The following COL4A2 variants were observed in gnomAD, a reference collection of about 807,000 sequenced individuals.
COL4A2 encodes collagen type IV alpha 2 chain.
In COL4A2, 99 loss-of-function variants were observed where a neutral mutation model predicts 200.2. That is an observed-to-expected ratio of 0.49 (90% CI 0.42 to 0.58). The LOEUF (loss-of-function observed/expected upper bound fraction) is 0.58. Ranked by LOEUF, COL4A2 falls within the 20% of genes least tolerant of loss-of-function variation. COL4A2 has a pLI of 0.00. For missense variants in COL4A2, 1,950 were observed against 2,314.1 expected (o/e 0.84, Z 3.23); for synonymous variants, 897 against 900.6 (o/e 1.00, Z 0.07).
intron 16 of COL4A2, among the ~76,000 whole-genome samples, chr13:110,442,781 A>G (rs1225550361): frequency 2.3e-5 from 2 of 86,542 alleles, no homozygotes; most frequent in Non-Finnish European, 5.7e-5. Context: ...ATCTTTAGTA[A>G]CTGAGCAAAT....
chr13:110,492,582 A>T (rs1424399608), intron 38 of COL4A2, among the ~76,000 whole-genome samples: 2 of 152,220 alleles, frequency 1.3e-5, no homozygotes, highest in Admixed American at 1.3e-4. Flanking sequence ...TGCCATGCTC[A>T]CTGCCCATGT....
intron 32 of COL4A2, 114 bp from the exon 33 acceptor site, chr13:110,484,791 C>T (rs1234162197): frequency 7.1e-7 from 1 of 1,410,826 alleles, no homozygotes; most frequent in Non-Finnish European, 9.4e-7. Context: ...CTCTCCAAGG[C>T]TTCCCTGCTT....
At chr13:110,414,633 G>A (rs899411416) in intron 4 of COL4A2, among the ~76,000 whole-genome samples, 1 of 152,204 alleles carries the variant, frequency 6.6e-6, no homozygotes, top group Non-Finnish European at 1.5e-5. Context: ...TCCCTTCCAA[G>A]TCCAACATCT....
In COL4A2 at chr13:110,416,394, T is replaced by G. The variant is rs75006071; in HGVS notation, c.181-8340T>G. Among the ~76,000 whole-genome samples, 1,430 of 152,364 alleles carry G rather than the reference T, an allele frequency of 9.4e-3. 21 individuals are homozygous for G. Among genetic ancestry groups the G allele is most frequent in the African/African-American group, 0.032 (1,341 of 41,580 alleles). On this transcript the variant is annotated intron_variant, in intron 4 of 47. Coordinates refer to ENST00000360467, the MANE Select transcript of COL4A2 (RefSeq NM_001846.4). ...AAGTCTTCTTAGAGGACAAGCAGGC[T>G]TAGGAAATCACATCAGTCTATTACA...
At chr13:110,379,082 C>T (rs1878358334) in intron 4 of COL4A2, among the ~76,000 whole-genome samples, 1 of 152,230 alleles carries the variant, frequency 6.6e-6, no homozygotes, top group East Asian at 1.9e-4. Context: ...ACCTTCTGCT[C>T]TTAGGTGGCT....
At chr13:110,309,987 T>C (rs533427095) in intron 3 of COL4A2, among the ~76,000 whole-genome samples, 81 of 152,098 alleles carry the variant, frequency 5.3e-4, no homozygotes, top group Non-Finnish European at 6.5e-4. Flanking sequence ...CAAGACTCTG[T>C]CTAAAAACAA....
intron 47 of COL4A2, among the ~76,000 whole-genome samples, chr13:110,511,203 T>C (rs1157284997): frequency 6.7e-6 from 1 of 149,140 alleles, no homozygotes; most frequent in African/African-American, 2.5e-5. Context: ...AGGCTAAACA[T>C]GTTGATGCAA....
At chr13:110,394,532 C>T (rs939940756) in intron 4 of COL4A2, among the ~76,000 whole-genome samples, 7 of 152,238 alleles carry the variant, frequency 4.6e-5, no homozygotes, top group African/African-American at 1.7e-4. Flanking sequence ...CTGCATGACC[C>T]GTACCCCAGT....
intron 40 of COL4A2, among the ~76,000 whole-genome samples, chr13:110,497,173 A>C (rs1226284096): frequency 6.6e-6 from 1 of 151,862 alleles, no homozygotes; most frequent in Non-Finnish European, 1.5e-5. Flanking sequence ...GCGCACCAGC[A>C]GAAGCTCCAC....
intron 4 of COL4A2, among the ~76,000 whole-genome samples, chr13:110,398,534 T>G (rs930179858): frequency 1.3e-5 from 2 of 152,042 alleles, no homozygotes; most frequent in African/African-American, 4.8e-5. Flanking sequence ...TTGTTTTTAG[T>G]TTAGTGGTTT....
chr13:110,429,837 T>C (rs746617802), intron 7 of COL4A2, 48 bp from the exon 8 acceptor site: 3 of 1,575,342 alleles, frequency 1.9e-6, no homozygotes, highest in Admixed American at 3.3e-5. Flanking sequence ...CGAATGTTAA[T>C]GGACTCTTTT....
chr13:110,484,276 T>C (rs1883035174), intron 32 of COL4A2, among the ~76,000 whole-genome samples: 1 of 152,162 alleles, frequency 6.6e-6, no homozygotes, highest in African/African-American at 2.4e-5. Context: ...TAGTACTGAA[T>C]ACACAGTAAA....
At chr13:110,370,898 G>A (rs1430935016) in intron 4 of COL4A2, among the ~76,000 whole-genome samples, 2 of 152,240 alleles carry the variant, frequency 1.3e-5, no homozygotes, top group African/African-American at 4.8e-5. Context: ...GATGAAAAGG[G>A]ATAGCTATGC....
At chr13:110,510,295 A>C (rs549494597) in intron 47 of COL4A2, among the ~76,000 whole-genome samples, 16 of 152,320 alleles carry the variant, frequency 1.1e-4, no homozygotes, top group African/African-American at 3.6e-4. Flanking sequence ...AGAGCCCCGG[A>C]TGCAGACTGC....
intron 13 of COL4A2, among the ~76,000 whole-genome samples, chr13:110,436,752 T>C (rs1424898576): frequency 6.6e-6 from 1 of 152,254 alleles, no homozygotes; most frequent in Non-Finnish European, 1.5e-5. Flanking sequence ...ACTTCTTTGC[T>C]GACATGAAGC....
intron 3 of COL4A2, among the ~76,000 whole-genome samples, chr13:110,343,225 C>T (rs986945591): frequency 6.6e-6 from 1 of 152,136 alleles, no homozygotes; most frequent in African/African-American, 2.4e-5. Flanking sequence ...TGAAAATCCA[C>T]TGTTGAAATA....
At chr13:110,407,207 G>C (rs547939952) in intron 4 of COL4A2, among the ~76,000 whole-genome samples, 1 of 152,202 alleles carries the variant, frequency 6.6e-6, no homozygotes, top group African/African-American at 2.4e-5. Flanking sequence ...TGCGCCCCTC[G>C]GGTGGGAAAG....
chr13:110,348,060 T>C (rs1184117180), intron 3 of COL4A2, among the ~76,000 whole-genome samples: 4 of 152,236 alleles, frequency 2.6e-5, no homozygotes, highest in African/African-American at 9.6e-5. Flanking sequence ...GCCCAACTCG[T>C]TGAACTACTG....
Position 110,393,879 on chromosome 13 carries a change from A to G in COL4A2, c.181-30855A>G, listed in dbSNP as rs1050299218. On this transcript the variant is annotated intron_variant, in intron 4 of 47. Transcript: ENST00000360467. ...GGGCAAGGGAGTGAGATGCTGTCAAAAAAAAAATTCTTTTTTACATGACTC... is the reference window on the plus strand; with the variant it reads ...GGGCAAGGGAGTGAGATGCTGTCAAGAAAAAAATTCTTTTTTACATGACTC... Among the ~76,000 whole-genome samples, 33 of 152,318 alleles carry G rather than the reference A, an allele frequency of 2.2e-4. 1 individual carries two copies. The highest frequency in any genetic ancestry group is 6.8e-3 in the Middle Eastern group (2 of 294).
Sources: gnomAD v4.1 joint callset for allele counts (sites outside exome capture counted in the v4.1 genomes callset) on GRCh38, gnomAD v4.1.1 for gene constraint, MANE v1.5 for transcripts, NCBI Gene and HGNC (gene_info 2026-07-23, HGNC 2026-07-21) for gene names.